Variants in FBN3 observed in about 807,000 individuals in gnomAD.
The protein encoded by FBN3 is fibrillin-3.
FBN3 carries 234 observed loss-of-function variants against 330.1 expected under a neutral mutation model. The ratio of observed to expected loss-of-function variants is 0.71; its 90% CI spans 0.64 to 0.79. FBN3 has a LOEUF of 0.79. Ranked by LOEUF, FBN3 falls within the 30% of genes least tolerant of loss-of-function variation. The pLI is 0.00. For synonymous variants in FBN3, 1,458 were observed against 1,517.3 expected, an observed-to-expected ratio of 0.96 and a Z score of 0.91; for missense variants, 3,606 against 3,886.9, an observed-to-expected ratio of 0.93 and a Z score of 1.92.
In FBN3 at chr19:8,081,032, C is replaced by G. The variant is rs2081767916; in HGVS notation, c.7424G>C (p.Gly2475Ala). The stretch of plus-strand genomic sequence containing the variant: ...GCAGGCCTGGTGGTGCTGGGTGAAG[C>G]CGGGCGGACAGCGGCAGGTGAAGGC... ...VGAFTCRCPP[G>A]FTQHHQACFD... The change falls in exon 59 of 64, where the codon GGC (glycine) becomes GCC (alanine). Residue 2475 changes from glycine to alanine, a missense_variant. Transcript: ENST00000600128. The G allele has an allele frequency of 6.2e-7, 1 of 1,613,140 alleles. No homozygotes were observed. Among genetic ancestry groups the G allele is most frequent in the Non-Finnish European group, 8.5e-7 (1 of 1,179,892 alleles).
intron 62 of FBN3, 115 bp downstream of exon 62, chr19:8,072,948 T>C: frequency 2.3e-6 from 2 of 860,720 alleles, no homozygotes; most frequent in South Asian, 3.2e-5. Flanking sequence ...TGGTAAATTC[T>C]TGGCATGCAC....
chr19:8,106,019 C>T, intron 38 of FBN3, 89 bp downstream of exon 38: 4 of 1,513,358 alleles, frequency 2.6e-6, no homozygotes, highest in Non-Finnish European at 3.6e-6. Flanking sequence ...TGAGGCCTTC[C>T]CTCCTCTACC....
chr19:8,117,262 C>A lies in FBN3; in HGVS notation c.3493G>T (p.Gly1165Trp). The change falls in exon 28 of 64, where the codon GGG (glycine) becomes TGG (tryptophan). Residue 1165 changes from glycine to tryptophan, a missense_variant. Physicochemically the swap from Gly to Trp is radical, Grantham distance 184. Coordinates refer to ENST00000600128, the MANE Select transcript of FBN3 (RefSeq NM_032447.5). ...GTGTTAATACAGTGCACGTCACACC[C>A]ACCATTCTGGACCCGGCATTCGTTG... is the stretch of plus-strand genomic sequence containing the variant. ...DINECRVQNG[G>W]CDVHCINTEG... The A allele has an allele frequency of 6.2e-7, 1 of 1,613,902 alleles. No individual in the cohort carries two copies. Among genetic ancestry groups the A allele is most frequent in the Non-Finnish European group, 8.5e-7 (1 of 1,179,964 alleles).
intron 18 of FBN3, among the ~76,000 whole-genome samples, chr19:8,127,946 A>C (rs2083033298): frequency 6.6e-6 from 1 of 152,208 alleles, no homozygotes; most frequent in Non-Finnish European, 1.5e-5. Flanking sequence ...GGTTGCAGTG[A>C]GCCGAGATCG....
rs748170135 is a variant in FBN3, at chr19:8,081,496, G to A, written c.7214-16C>T. 3.8e-6 allele frequency: 6 copies of A among 1,590,416 alleles called. No individual in the cohort carries two copies. The highest frequency in any genetic ancestry group is 1.8e-5 in the Admixed American group (1 of 55,876). ...TCATCCATATCTGGGGAAGGACAGCGTGGGTAGTGGGGCGGGGTTAGACAG... is the reference window on the plus strand; with the variant it reads ...TCATCCATATCTGGGGAAGGACAGCATGGGTAGTGGGGCGGGGTTAGACAG... On this transcript the variant is annotated splice_polypyrimidine_tract_variant and intron_variant, in intron 57 of 63. Transcript: ENST00000600128.
chr19:8,067,393 T>C lies in FBN3; in HGVS notation c.8089-1133A>G, dbSNP rs140766534. 6.6e-4 allele frequency among the ~76,000 whole-genome samples: 100 copies of C among 152,334 alleles called. No individual in the cohort carries two copies. In the East Asian group the frequency reaches 0.018, roughly 27 times the overall value. Reference sequence around the variant, plus strand: ...CGCTCACCTCAGCCTCCCAAAGTGCTGGGATTACAGGCGTGAGCCATTGTG... The same window carrying C: ...CGCTCACCTCAGCCTCCCAAAGTGCCGGGATTACAGGCGTGAGCCATTGTG... On this transcript the variant is annotated intron_variant, in intron 63 of 63. Transcript: ENST00000600128.
chr19:8,137,835 C>A (rs1224214524), intron 10 of FBN3, among the ~76,000 whole-genome samples: 1 of 152,038 alleles, frequency 6.6e-6, no homozygotes, highest in African/African-American at 2.4e-5. Context: ...GCTATGTCAC[C>A]CAGGCTGGTC....
intron 59 of FBN3, among the ~76,000 whole-genome samples, chr19:8,075,894 GC>G (rs1473692628): frequency 6.6e-6 from 1 of 152,218 alleles, no homozygotes; most frequent in Admixed American, 6.5e-5. Flanking sequence ...TGTGAGGTCA[GC>G]CGGTGCCATG....
At position 8,131,026 on chromosome 19, in the gene FBN3, TC is replaced by T. The variant is rs1235015937; in HGVS notation, c.2044+208del. ...CCGGGACAGATTCTCCCTCAAAGCC[TC>T]CAAGGGAACCAGCCCTGCCCGCACC... is the stretch of plus-strand genomic sequence containing the variant. On this transcript the variant is annotated intron_variant, in intron 16 of 63. Coordinates refer to ENST00000600128, the MANE Select transcript of FBN3 (RefSeq NM_032447.5). The surrounding 1 kb of genome is among the most constrained non-coding windows in gnomAD (Gnocchi z 4.5). Among the ~76,000 whole-genome samples the T allele has an allele frequency of 2.0e-5, 3 of 152,148 alleles. No homozygotes were observed. The highest frequency in any genetic ancestry group is 7.2e-5 in the African/African-American group (3 of 41,514).
rs777083341 is a variant in FBN3 at position 8,103,610 on chromosome 19, C to T, written c.4891G>A (p.Val1631Ile). The stretch of plus-strand genomic sequence containing the variant: ...ACTTGGAGGTACTCTGCAGGGCAGA[C>T]ACAGGTGTAGTTCCCCAGGGTGTTG... ...CYNTLGNYTC[V>I]CPAEYLQVNG... The change falls in exon 39 of 64, where the codon GTC becomes ATC. Residue 1631 changes from valine (V) to isoleucine (I), a missense_variant. By Grantham distance (29) the Val-to-Ile change is conservative (BLOSUM62 3). Coordinates refer to ENST00000600128, the MANE Select transcript of FBN3 (RefSeq NM_032447.5). The T allele has an allele frequency of 3.1e-6, 5 of 1,613,708 alleles. No individual in the cohort carries two copies. The African/African-American group carries it at 5.3e-5, about 17-fold the overall frequency.
chr19:8,100,784 G>C (rs866437096), intron 41 of FBN3, 117 bp downstream of exon 41: 2 of 771,616 alleles, frequency 2.6e-6, no homozygotes, highest in African/African-American at 1.8e-5. Flanking sequence ...GGAGCGAGGA[G>C]GAGGGGAGGA....
chr19:8,116,186 G>A (rs961305366), intron 29 of FBN3, among the ~76,000 whole-genome samples: 1 of 152,136 alleles, frequency 6.6e-6, no homozygotes, highest in Non-Finnish European at 1.5e-5. Context: ...CCTCAGCTTT[G>A]TCCTGATAGG....
intron 39 of FBN3, among the ~76,000 whole-genome samples, chr19:8,103,202 G>A (rs1379197682): frequency 6.7e-6 from 1 of 149,368 alleles, no homozygotes; most frequent in African/African-American, 2.5e-5. Context: ...GGGAGGTGGA[G>A]GTTGCAGTGA....
chr19:8,109,163 C>A lies in FBN3; in HGVS notation c.4618+64G>T. 4 of 1,519,034 alleles carry A rather than the reference C, an allele frequency of 2.6e-6. No homozygotes were observed. The highest frequency in any genetic ancestry group is 1.8e-5 in the Admixed American group (1 of 55,218). 94.1% of individuals were successfully genotyped at this position (1,519,034 alleles called of 1,614,324 possible). ...CCACCACCGCCATTAGCAGAGGTGACCCCCTAAGCTCCCGGGCCTCGGTGG... is the reference window on the plus strand; with the variant it reads ...CCACCACCGCCATTAGCAGAGGTGAACCCCTAAGCTCCCGGGCCTCGGTGG... On this transcript the variant is annotated intron_variant, in intron 36 of 63. Coordinates refer to ENST00000600128, the MANE Select transcript of FBN3 (RefSeq NM_032447.5). The surrounding 1 kb of genome is among the most constrained non-coding windows in gnomAD (Gnocchi z 5.2).
chr19:8,117,378 G>A, intron 27 of FBN3, 86 bp downstream of exon 27: 1 of 1,543,146 alleles, frequency 6.5e-7, no homozygotes, highest in Non-Finnish European at 8.7e-7. Context: ...GGAGCAGAGT[G>A]GAGTTGAGGT....
chr19:8,144,645 T>A (rs1300517376), intron 6 of FBN3, among the ~76,000 whole-genome samples: 4 of 151,688 alleles, frequency 2.6e-5, no homozygotes, highest in African/African-American at 9.7e-5. Context: ...GACTGGCACA[T>A]CCTCTCTCTT....
intron 63 of FBN3, 103 bp from the exon 64 acceptor site, chr19:8,066,363 C>T: frequency 1.2e-6 from 1 of 839,334 alleles, no homozygotes; most frequent in Non-Finnish European, 1.8e-6. Context: ...TCTGGCCAAT[C>T]TCTAAAGTGA....
At position 8,138,394 on chromosome 19, in the gene FBN3, G is replaced by T; in HGVS notation, c.1018+18C>A. 2.5e-6 allele frequency: 4 copies of T among 1,610,066 alleles called. No homozygotes were observed. Among genetic ancestry groups the T allele is most frequent in the African/African-American group, 1.3e-5 (1 of 74,950 alleles). ...CCCCTCCTCACCCACAGCCCTGCAG[G>T]CTGCAGCTCTTACTCACTGGAGCCC... On this transcript the variant is annotated intron_variant, in intron 9 of 63. Transcript: ENST00000600128.
In FBN3 at chr19:8,085,596, G is replaced by A. The variant is rs759463941; in HGVS notation, c.6881-27C>T. ...TGCAGAGAACAATGGGAAAGACAACGGTCACTCCAGGAGGCTGGTTTGGGG... is the reference window on the plus strand; with the variant it reads ...TGCAGAGAACAATGGGAAAGACAACAGTCACTCCAGGAGGCTGGTTTGGGG... On this transcript the variant is annotated intron_variant, in intron 55 of 63. Coordinates refer to ENST00000600128, the MANE Select transcript of FBN3 (RefSeq NM_032447.5). 9.3e-6 allele frequency: 14 copies of A among 1,499,826 alleles called. 1 individual carries two copies. The highest frequency in any genetic ancestry group is 2.6e-5 in the South Asian group (2 of 76,736). 92.9% of individuals were successfully genotyped at this position (1,499,826 alleles called of 1,614,324 possible). A position where few individuals can be genotyped will look rare whatever the true frequency, so the allele number is the denominator to read the frequency against.
Sources: gnomAD v4.1 joint callset for allele counts (sites outside exome capture counted in the v4.1 genomes callset) on GRCh38, gnomAD v4.1.1 for gene constraint, Gnocchi (gnomAD v3.1) non-coding constraint, MANE v1.5 for transcripts, NCBI Gene and HGNC (gene_info 2026-07-23, HGNC 2026-07-21) for gene names.